The following ASB9 variants were observed in gnomAD, a reference collection of about 807,000 sequenced individuals.
ASB9 encodes the protein ankyrin repeat and SOCS box protein 9.
ASB9 carries 5 observed loss-of-function variants against 16.6 expected under a neutral mutation model. The ratio of observed to expected loss-of-function variants is 0.30; its 90% CI spans 0.16 to 0.63. The LOEUF is 0.63. Ranked by LOEUF, ASB9 falls within the 30% of genes least tolerant of loss-of-function variation. The pLI, the probability that ASB9 is intolerant of heterozygous loss-of-function variation, is 0.82. For synonymous variants in ASB9, 100 were observed against 86.4 expected (o/e 1.16, Z -0.87); for missense variants, 216 against 229.4 (o/e 0.94, Z 0.38).
intron 3 of ASB9, among the ~76,000 whole-genome samples, chrX:15,253,268 C>T (rs1367873492): frequency 2.8e-5 from 3 of 106,812 alleles, no homozygotes; most frequent in Non-Finnish European, 5.8e-5. Flanking sequence ...CGTATATAGT[C>T]AATGGACTGC....
chrX:15,250,537 A>G lies in ASB9; in HGVS notation c.461T>C (p.Ile154Thr), dbSNP rs750343277. Residue 154 changes from isoleucine to threonine, a missense_variant, in exon 5 of 7, where the codon ATA becomes ACA. Physicochemically the swap from Ile to Thr is moderately conservative, Grantham distance 89. Coordinates refer to ENST00000380488, the MANE Select transcript of ASB9 (RefSeq NM_001031739.3). Reference sequence around the variant, plus strand: ...ATGGTCAATGTTGCCCCCATAAGCTATAAGAGAGTTGACACACTCCACGTG... The same window carrying G: ...ATGGTCAATGTTGCCCCCATAAGCTGTAAGAGAGTTGACACACTCCACGTG... ...RGHVECVNSL[I>T]AYGGNIDHKI... is the part of the protein sequence containing the mutation. 9 of 1,207,023 alleles carry G rather than the reference A, an allele frequency of 7.5e-6. No homozygotes were observed. Among genetic ancestry groups the G allele is most frequent in the African/African-American group, 3.5e-5 (2 of 56,879 alleles).
intron 2 of ASB9, among the ~76,000 whole-genome samples, chrX:15,256,463 T>C (rs1925547984): frequency 1.9e-5 from 2 of 105,103 alleles, no homozygotes; most frequent in Non-Finnish European, 3.9e-5. Flanking sequence ...ATTTACTATC[T>C]GGTCCTTTAC....
chrX:15,246,123 G>C (rs777825657), intron 6 of ASB9, among the ~76,000 whole-genome samples: 1 of 112,164 alleles, frequency 8.9e-6, no homozygotes, highest in Admixed American at 9.5e-5. Context: ...AACGCTGTCA[G>C]AGGCAACCGT....
chrX:15,262,124 CCTTT>C (rs1381850186), intron 1 of ASB9, among the ~76,000 whole-genome samples: 1 of 64,568 alleles, frequency 1.5e-5, no homozygotes, highest in African/African-American at 7.2e-5. Context: ...GTACTTCATT[CCTTT>C]TTTTTTTTTT....
rs761595869 is a variant in ASB9 at position 15,250,525 on chromosome X, C to T, written c.473G>A (p.Gly158Asp). The change falls in exon 5 of 7, where the codon GGC becomes GAC. Residue 158 changes from glycine (G) to aspartate (D), a missense_variant. Coordinates refer to ENST00000380488, the MANE Select transcript of ASB9 (RefSeq NM_001031739.3). ...ECVNSLIAYG[G>D]NIDHKISHLG... ...GTGGCTGATCTTATGGTCAATGTTGCCCCCATAAGCTATAAGAGAGTTGAC... is the reference window on the plus strand; with the variant it reads ...GTGGCTGATCTTATGGTCAATGTTGTCCCCATAAGCTATAAGAGAGTTGAC... 2 of 1,208,376 alleles carry T rather than the reference C, an allele frequency of 1.7e-6. No individual in the cohort carries two copies. The highest frequency in any genetic ancestry group is 1.8e-5 in the South Asian group (1 of 56,813).
intron 2 of ASB9, among the ~76,000 whole-genome samples, chrX:15,256,388 G>A (rs1925541311): frequency 1.1e-5 from 1 of 94,388 alleles, no homozygotes; most frequent in African/African-American, 3.9e-5. Flanking sequence ...CGCGATCTCG[G>A]GTCACTGCAA....
At chrX:15,253,280 G>A (rs1925275574) in intron 3 of ASB9, among the ~76,000 whole-genome samples, 1 of 108,829 alleles carries the variant, frequency 9.2e-6, no homozygotes, top group African/African-American at 3.4e-5. Flanking sequence ...ATGGACTGCT[G>A]AAATATATTT....
chrX:15,267,436 T>TACA (rs1569162139), intron 1 of ASB9, among the ~76,000 whole-genome samples: 14 of 23,974 alleles, frequency 5.8e-4, no homozygotes, highest in South Asian at 4.7e-3. Context: ...ATATATATAA[T>TACA]TATATATATA....
At position 15,269,812 on chromosome X, in the gene ASB9, G is replaced by A; in HGVS notation, c.63C>T (p.Gly21=). ...SKPAGPRDFP[G]IRLLSNPLMG... is the part of the protein sequence containing the mutation. ...TCAATGGGTTTGAAAGAAGCCTGAT[G>A]CCAGGAAAGTCCCTTGGCCCCGCGG... Residue 21 remains glycine (G), a synonymous_variant, in exon 1 of 7, where the codon GGC becomes GGT. Transcript: ENST00000380488. 8.3e-7 allele frequency: 1 copy of A among 1,208,167 alleles called. No homozygotes were observed. Among genetic ancestry groups the A allele is most frequent in the East Asian group, 3.0e-5 (1 of 33,548 alleles).
intron 1 of ASB9, among the ~76,000 whole-genome samples, chrX:15,267,425 TATATA>T (rs1926569389): frequency 6.9e-5 from 6 of 87,537 alleles, no homozygotes; most frequent in African/African-American, 1.7e-4. Flanking sequence ...AAAATATATA[TATATA>T]TATAATTATA....
At chrX:15,244,691 T>TA (rs112382242) in intron 6 of ASB9, 61 bp from the exon 7 acceptor site, 82 of 980,687 alleles carry the variant, frequency 8.4e-5, no homozygotes, top group Middle Eastern at 2.8e-4. Flanking sequence ...CTCCTTTTTT[T>TA]TAAAAAAAAA....
chrX:15,269,633 A>G (rs890474814), intron 1 of ASB9, 148 bp downstream of exon 1: 1 of 344,972 alleles, frequency 2.9e-6, no homozygotes, highest in Non-Finnish European at 5.0e-6. Context: ...ACAGCTGTGT[A>G]AAGAATATAT....
chrX:15,263,355 G>T (rs1420826768), intron 1 of ASB9, among the ~76,000 whole-genome samples: 1 of 111,131 alleles, frequency 9.0e-6, no homozygotes, highest in Non-Finnish European at 1.9e-5. Flanking sequence ...GAAAGTATCT[G>T]GGTGCTGTAT....
Position 15,252,183 on chromosome X carries a change from T to TCTTA in ASB9, c.433+70_433+71insTAAG, listed in dbSNP as rs58352496. On this transcript the variant is annotated intron_variant, in intron 4 of 6. Coordinates refer to ENST00000380488, the MANE Select transcript of ASB9 (RefSeq NM_001031739.3). ...TACTGCTCTAAAATATATCTCCTTT[T>TCTTA]CTTTCTTTCTTTCAGCAGTAAGATG... The TCTTA allele has an allele frequency of 5.7e-3, 5,829 of 1,017,450 alleles. 199 individuals are homozygous for TCTTA. The African/African-American group carries it at 0.095, about 17-fold the overall frequency. The allele number at this position is 1,017,450 out of a possible 1,213,427, so 83.8% of individuals were successfully genotyped here. A position where few individuals can be genotyped will look rare whatever the true frequency, so the allele number is the denominator to read the frequency against.
chrX:15,260,951 G>T (rs1345873206), intron 1 of ASB9, among the ~76,000 whole-genome samples: 1 of 111,887 alleles, frequency 8.9e-6, no homozygotes, highest in East Asian at 2.8e-4. Context: ...GAAGACAAAT[G>T]AGCCCATCTA....
At position 15,248,836 on chromosome X, in the gene ASB9, G is replaced by A. The variant is rs766006857; in HGVS notation, c.668C>T (p.Ala223Val). 21 of 1,209,889 alleles carry A rather than the reference G, an allele frequency of 1.7e-5. No individual in the cohort carries two copies. The highest frequency in any genetic ancestry group is 2.2e-5 in the Admixed American group (1 of 45,796). ...TTCAGCATTCTTGGCCTGGGTGTCC[G>A]CTCCAAAATCCATGAGCAGGCAGGC... ...ELACLLMDFG[A>V]DTQAKNAEGK... Residue 223 changes from alanine to valine, a missense_variant, in exon 6 of 7, where the codon GCG (alanine) becomes GTG (valine). Ala to Val is a moderately conservative substitution (Grantham distance 64). Transcript: ENST00000380488.
At chrX:15,256,638 G>A (rs1164578245) in intron 2 of ASB9, among the ~76,000 whole-genome samples, 1 of 104,804 alleles carries the variant, frequency 9.5e-6, no homozygotes, top group African/African-American at 3.5e-5. Context: ...TTAGCCGGGC[G>A]AGGTGGGGGA....
In ASB9 at chrX:15,248,980, C is replaced by T. The variant is rs528782320; in HGVS notation, c.569-45G>A. 3.4e-4 allele frequency: 367 copies of T among 1,091,690 alleles called. 3 individuals are homozygous for T. The South Asian group carries it at 7.6e-3, about 23-fold the overall frequency. 90.0% of individuals were successfully genotyped at this position (1,091,690 alleles called of 1,213,427 possible). A position where few individuals can be genotyped will look rare whatever the true frequency, so the allele number is the denominator to read the frequency against. The stretch of plus-strand genomic sequence containing the variant: ...AAAAAGAGTCAGCAAGGAGCAGAAT[C>T]CAACCATCGGGGCTTTTCAAAGCCC... On this transcript the variant is annotated intron_variant, in intron 5 of 6. Transcript: ENST00000380488.
At chrX:15,247,290 T>C (rs1016232582) in intron 6 of ASB9, among the ~76,000 whole-genome samples, 4 of 111,840 alleles carry the variant, frequency 3.6e-5, no homozygotes, top group Non-Finnish European at 7.5e-5. Flanking sequence ...AAATGACACC[T>C]CATAAACTAG....
Sources: gnomAD v4.1 joint callset for allele counts (sites outside exome capture counted in the v4.1 genomes callset) on GRCh38, gnomAD v4.1.1 for gene constraint, MANE v1.5 for transcripts, NCBI Gene and HGNC (gene_info 2026-07-23, HGNC 2026-07-21) for gene names.